TXNRD1: variants seen among roughly 807,000 people sequenced by gnomAD.
The protein encoded by TXNRD1 is thioredoxin reductase 1, cytoplasmic.
A neutral mutation model predicts 80.3 loss-of-function variants in TXNRD1; 57 were observed. The observed-to-expected ratio is 0.71, with a 90% CI of 0.57 to 0.89. The LOEUF (loss-of-function observed/expected upper bound fraction) is 0.89. Among genes scored for constraint, TXNRD1 ranks in the 40% least tolerant of loss-of-function variants. TXNRD1 has a pLI of 0.00. For synonymous variants in TXNRD1, 291 were observed against 285.2 expected (o/e 1.02, Z -0.20); for missense variants, 730 against 803.0 (o/e 0.91, Z 1.10).
In TXNRD1 at chr12:104,254,644, A is replaced by AAATATATATAT; in HGVS notation, c.243+2967_243+2968insATATATATATA. ...CTATGTCTATGGAAAAAAAAAAAAAAATATATATATATATATATATATCAG... is the reference window on the plus strand; with the variant it reads ...CTATGTCTATGGAAAAAAAAAAAAAAAATATATATATATATATATATATATATATATATCAG... On this transcript the variant is annotated intron_variant, in intron 2 of 16. Coordinates refer to ENST00000525566, the MANE Select transcript of TXNRD1 (RefSeq NM_001093771.3). Among the ~76,000 whole-genome samples the AAATATATATAT allele has an allele frequency of 1.3e-3, 118 of 93,610 alleles. 3 individuals are homozygous for AAATATATATAT. The highest frequency in any genetic ancestry group is 3.0e-3 in the African/African-American group (59 of 19,376). The allele number at this position is 93,610 out of a possible 152,430, so 61.4% of individuals were successfully genotyped here.
chr12:104,277,329 G>A (rs747524846), intron 3 of TXNRD1, among the ~76,000 whole-genome samples: 4 of 151,726 alleles, frequency 2.6e-5, no homozygotes, highest in African/African-American at 4.8e-5. Context: ...GAACCCGGGA[G>A]GCGGAGCTTG....
At chr12:104,265,081 G>A (rs34494070) in intron 3 of TXNRD1, among the ~76,000 whole-genome samples, 34,646 of 151,692 alleles carry the variant, frequency 0.23, 4,235 homozygotes, top group Middle Eastern at 0.38. Context: ...GTGAAACCCC[G>A]TCTCTACTAA....
At chr12:104,323,415 A>C (rs1257169758) in intron 10 of TXNRD1, among the ~76,000 whole-genome samples, 1 of 109,036 alleles carries the variant, frequency 9.2e-6, no homozygotes, top group African/African-American at 3.4e-5. Context: ...CTGACCCCCC[A>C]CCTCCCTCCC....
intron 3 of TXNRD1, among the ~76,000 whole-genome samples, chr12:104,270,390 A>C (rs1023780724): frequency 6.6e-6 from 1 of 152,176 alleles, no homozygotes; most frequent in Non-Finnish European, 1.5e-5. Context: ...CTCCTTGTAC[A>C]TCTCCATCAG....
intron 1 of TXNRD1, among the ~76,000 whole-genome samples, chr12:104,236,123 G>C (rs1322379829): frequency 6.6e-6 from 1 of 152,176 alleles, no homozygotes; most frequent in Non-Finnish European, 1.5e-5. Context: ...CAAGAGGGAA[G>C]TATATCTTGG....
chr12:104,217,318 GTT>G lies in TXNRD1; in HGVS notation c.91+1440_91+1441del, dbSNP rs59546712. Among the ~76,000 whole-genome samples the G allele has an allele frequency of 6.7e-3, 850 of 126,100 alleles. 6 individuals are homozygous for G. The highest frequency in any genetic ancestry group is 0.019 in the African/African-American group (651 of 33,864). 82.7% of individuals were successfully genotyped at this position (126,100 alleles called of 152,430 possible). A position where few individuals can be genotyped will look rare whatever the true frequency, so the allele number is the denominator to read the frequency against. Reference sequence around the variant, plus strand: ...AAAAATTTACCATCTTAACAATTTTGTTTTTTTTTTTTTTTTAGTTTCGCTCT... The same window carrying G: ...AAAAATTTACCATCTTAACAATTTTGTTTTTTTTTTTTTTAGTTTCGCTCT... On this transcript the variant is annotated intron_variant, in intron 1 of 16. Coordinates refer to ENST00000525566, the MANE Select transcript of TXNRD1 (RefSeq NM_001093771.3).
intron 4 of TXNRD1, among the ~76,000 whole-genome samples, chr12:104,293,771 C>T (rs1018162229): frequency 4.6e-5 from 7 of 152,102 alleles, no homozygotes; most frequent in African/African-American, 1.7e-4. Context: ...CAGCTGGGCC[C>T]GGGGGACCGC....
intron 1 of TXNRD1, among the ~76,000 whole-genome samples, chr12:104,246,688 A>G (rs2135699959): frequency 6.6e-6 from 1 of 151,278 alleles, no homozygotes; most frequent in African/African-American, 2.4e-5. Context: ...ATACCCAGCT[A>G]ATTTTTGTAT....
rs1056766536 is a variant in TXNRD1 at position 104,240,455 on chromosome 12, T to A, written c.92-11072T>A. On this transcript the variant is annotated intron_variant, in intron 1 of 16. Coordinates refer to ENST00000525566, the MANE Select transcript of TXNRD1 (RefSeq NM_001093771.3). ...AACTAGGATTACTCCACTTACTGGA[T>A]ATTCTTAATACTAAGGTAACAATAT... Among the ~76,000 whole-genome samples, 6 of 152,232 alleles carry A rather than the reference T, an allele frequency of 3.9e-5. No individual in the cohort carries two copies. In the East Asian group the frequency reaches 1.2e-3, roughly 29 times the overall value.
At chr12:104,302,333 T>G (rs1212245019) in intron 4 of TXNRD1, among the ~76,000 whole-genome samples, 1 of 151,936 alleles carries the variant, frequency 6.6e-6, no homozygotes, top group Non-Finnish European at 1.5e-5. Flanking sequence ...AGGGCTAATT[T>G]ACTTCCTGGT....
intron 3 of TXNRD1, among the ~76,000 whole-genome samples, chr12:104,281,026 A>G (rs949373872): frequency 6.6e-6 from 1 of 152,174 alleles, no homozygotes; most frequent in African/African-American, 2.4e-5. Flanking sequence ...TGAACTCCAT[A>G]CTTACATATC....
rs190772219 is a variant in TXNRD1, at chr12:104,268,435, G to T, written c.304+10356G>T. ...AGCTACTCCGGAGGGTGAGGCAGGA[G>T]AGTGGCGTGAACCCGAGAGGCTGAG... On this transcript the variant is annotated intron_variant, in intron 3 of 16. Coordinates refer to ENST00000525566, the MANE Select transcript of TXNRD1 (RefSeq NM_001093771.3). Among the ~76,000 whole-genome samples, 61 of 151,804 alleles carry T rather than the reference G, an allele frequency of 4.0e-4. 1 individual carries two copies. In the East Asian group the frequency reaches 0.011, roughly 27 times the overall value.
intron 1 of TXNRD1, among the ~76,000 whole-genome samples, chr12:104,236,390 T>C (rs2032738108): frequency 6.6e-6 from 1 of 152,216 alleles, no homozygotes; most frequent in Non-Finnish European, 1.5e-5. Context: ...TGGTTTCACC[T>C]GTGAGGTTAC....
intron 4 of TXNRD1, chr12:104,304,575 C>T (rs1019746769): frequency 1.9e-6 from 3 of 1,613,988 alleles, no homozygotes; most frequent in Non-Finnish European, 1.7e-6. Flanking sequence ...AGTAGTTATC[C>T]AGAAGCGACA....
Position 104,234,317 on chromosome 12 carries a change from C to T in TXNRD1, c.92-17210C>T, listed in dbSNP as rs528167953. Among the ~76,000 whole-genome samples, 299 of 152,102 alleles carry T rather than the reference C, an allele frequency of 2.0e-3. 1 individual carries two copies. In the Middle Eastern group the frequency reaches 0.024, roughly 12 times the overall value. ...AGCACATCTTTTTCTTTTTTTGAGACGAAGTCTCACTCTGTCACCCAGGCT... is the reference window on the plus strand; with the variant it reads ...AGCACATCTTTTTCTTTTTTTGAGATGAAGTCTCACTCTGTCACCCAGGCT... On this transcript the variant is annotated intron_variant, in intron 1 of 16. Coordinates refer to ENST00000525566, the MANE Select transcript of TXNRD1 (RefSeq NM_001093771.3).
chr12:104,344,375 C>G (rs180949237), intron 16 of TXNRD1, among the ~76,000 whole-genome samples: 5 of 151,244 alleles, frequency 3.3e-5, no homozygotes, highest in African/African-American at 1.2e-4. Flanking sequence ...TTTTTTAAAC[C>G]CTGGTTGTGA....
rs34310509 is a variant in TXNRD1 at position 104,318,834 on chromosome 12, C to T, written c.731-79C>T. ...TTTTAGAGCTCTGCTCCCTGTATTT[C>T]ACTTGAGTGGTTATTGAGAAATGAT... On this transcript the variant is annotated intron_variant, in intron 7 of 16. Coordinates refer to ENST00000525566, the MANE Select transcript of TXNRD1 (RefSeq NM_001093771.3). The T allele has an allele frequency of 2.9e-3, 4,364 of 1,501,350 alleles. 77 individuals carry two copies. The African/African-American group carries it at 0.042, about 14-fold the overall frequency. The allele number at this position is 1,501,350 out of a possible 1,614,324, so 93.0% of individuals were successfully genotyped here.
rs893322095 is a variant in TXNRD1 at position 104,293,729 on chromosome 12, AAAGACAC to A, written c.414+4696_414+4702del. On this transcript the variant is annotated intron_variant, in intron 4 of 16. Transcript: ENST00000525566. ...TGCGGCGACGAGAGAGTGTAGAAAT[AAAGACAC>A]AAGACAAAGAGATAAGAGAAAAGGC... Among the ~76,000 whole-genome samples the A allele has an allele frequency of 3.9e-4, 59 of 152,308 alleles. 1 individual carries two copies. Among genetic ancestry groups the A allele is most frequent in the African/African-American group, 1.2e-3 (51 of 41,570 alleles).
At chr12:104,251,776 T>C in intron 2 of TXNRD1, 98 bp downstream of exon 2, 5 of 1,443,078 alleles carry the variant, frequency 3.5e-6, no homozygotes, top group Middle Eastern at 4.3e-4. Context: ...TTAGGAAGAG[T>C]GTATGTAGGC....
Sources: allele counts gnomAD v4.1 joint callset (sites outside exome capture counted in the v4.1 genomes callset), GRCh38; gene constraint gnomAD v4.1.1; transcripts MANE v1.5; gene names NCBI Gene and HGNC (gene_info 2026-07-23, HGNC 2026-07-21).